The following DAB1 variants were observed in gnomAD, a reference collection of about 807,000 sequenced individuals.
The protein encoded by DAB1 is DAB adaptor protein 1.
Under a neutral mutation model 64.6 loss-of-function variants are expected in DAB1, and 15 were observed. The ratio of observed to expected loss-of-function variants is 0.23; its 90% CI spans 0.16 to 0.36. The LOEUF is 0.36. Ranked by LOEUF, DAB1 falls within the 10% of genes least tolerant of loss-of-function variation. The pLI is 1.00. For missense variants in DAB1, 596 were observed against 706.7 expected, an observed-to-expected ratio of 0.84 and a Z score of 1.78; for synonymous variants, 235 against 251.9, an observed-to-expected ratio of 0.93 and a Z score of 0.64.
chr1:57,860,508 T>A (rs1653961347), intron 1 of DAB1: 1 of 152,220 alleles, frequency 6.6e-6, no homozygotes, highest in Non-Finnish European at 1.5e-5. Context: ...CAAGGATGAA[T>A]CCTGATGGCT....
Position 58,002,175 on chromosome 1 carries a change from G to T in DAB1, n.388-118013C>A, listed in dbSNP as rs79189101. ...ACCAGGTTTGTGGTTATCTGTTAGA[G>T]GAGCCACAGGCAACTGATACACTGA... On this transcript the variant is annotated intron_variant and non_coding_transcript_variant, in intron 5 of 20. Transcript: ENST00000485760. Among the ~76,000 whole-genome samples the T allele has an allele frequency of 3.5e-3, 530 of 152,262 alleles. 2 individuals are homozygous for T. The highest frequency in any genetic ancestry group is 0.012 in the African/African-American group (499 of 41,552).
At chr1:58,289,949 C>G (rs1315805041) in intron 4 of DAB1, among the ~76,000 whole-genome samples, 1 of 152,148 alleles carries the variant, frequency 6.6e-6, no homozygotes, top group Non-Finnish European at 1.5e-5. Flanking sequence ...CAAAAGCTTT[C>G]CAACAAGCTG....
chr1:57,478,965 G>A (rs1454850438), intron 7 of DAB1, among the ~76,000 whole-genome samples: 2 of 152,080 alleles, frequency 1.3e-5, no homozygotes, highest in Non-Finnish European at 2.9e-5. Flanking sequence ...TGAATGGCTA[G>A]TAGATTTCTC....
chr1:57,979,233 A>G (rs1257044522), intron 5 of DAB1, among the ~76,000 whole-genome samples: 2 of 152,262 alleles, frequency 1.3e-5, no homozygotes, highest in East Asian at 1.9e-4. Flanking sequence ...CTATGCAGCC[A>G]TAAAGAAAGG....
At chr1:57,478,900 C>T (rs531449237) in intron 7 of DAB1, among the ~76,000 whole-genome samples, 28 of 151,930 alleles carry the variant, frequency 1.8e-4, no homozygotes, top group Admixed American at 3.3e-4. Flanking sequence ...GCGCCCGGCC[C>T]GGTTCCCATT....
intron 7 of DAB1, among the ~76,000 whole-genome samples, chr1:57,504,700 T>C (rs534768678): frequency 1.3e-5 from 2 of 152,248 alleles, no homozygotes; most frequent in Non-Finnish European, 2.9e-5. Flanking sequence ...TTGTACCATA[T>C]GGAAAGGGGG....
intron 2 of DAB1, among the ~76,000 whole-genome samples, chr1:57,271,158 G>A (rs186624915): frequency 2.0e-5 from 3 of 152,316 alleles, no homozygotes; most frequent in African/African-American, 7.2e-5. Context: ...TGCCAGCTCA[G>A]CTCATTAAGT....
At chr1:57,446,301 T>C (rs985724519) in intron 7 of DAB1, among the ~76,000 whole-genome samples, 3 of 152,130 alleles carry the variant, frequency 2.0e-5, no homozygotes, top group African/African-American at 4.8e-5. Context: ...AGTTGTTACA[T>C]ATGACTAAAT....
intron 4 of DAB1, among the ~76,000 whole-genome samples, chr1:57,115,455 G>A (rs1186748192): frequency 6.6e-6 from 1 of 152,194 alleles, no homozygotes; most frequent in Non-Finnish European, 1.5e-5. Flanking sequence ...AGCTTTGTGT[G>A]ATGATGTAAA....
chr1:58,105,217 C>A (rs1215658046), intron 5 of DAB1, among the ~76,000 whole-genome samples: 3 of 152,166 alleles, frequency 2.0e-5, no homozygotes, highest in Non-Finnish European at 4.4e-5. Context: ...TGGTGGTTAG[C>A]AACAGTCATT....
intron 1 of DAB1, among the ~76,000 whole-genome samples, chr1:57,413,129 G>C (rs1259667154): frequency 6.6e-6 from 1 of 152,142 alleles, no homozygotes; most frequent in Non-Finnish European, 1.5e-5. Flanking sequence ...CAGAACATCT[G>C]TTTACACCAT....
At chr1:57,025,886 G>A (rs776904769) in intron 10 of DAB1, 95 bp downstream of exon 10, 5 of 951,546 alleles carry the variant, frequency 5.3e-6, no homozygotes, top group Non-Finnish European at 7.8e-6. Context: ...TCCACCAGCA[G>A]CCCTCTTTCA....
intron 1 of DAB1, among the ~76,000 whole-genome samples, chr1:57,847,463 CA>C (rs758962189): frequency 1.1e-4 from 17 of 152,162 alleles, no homozygotes; most frequent in Middle Eastern, 3.4e-3. Flanking sequence ...TAAAGTCTTT[CA>C]GATTGGGTTA....
At chr1:58,352,974 CT>C (rs1201590938) in intron 3 of DAB1, among the ~76,000 whole-genome samples, 1 of 152,034 alleles carries the variant, frequency 6.6e-6, no homozygotes, top group East Asian at 1.9e-4. Context: ...GAGAAGTAAA[CT>C]TTTGTTGTTT....
chr1:57,405,516 T>G (rs1683562378), intron 1 of DAB1, among the ~76,000 whole-genome samples: 1 of 152,212 alleles, frequency 6.6e-6, no homozygotes, highest in Admixed American at 6.5e-5. Flanking sequence ...CTTAGGCCAG[T>G]TATCTTTAGT....
At chr1:57,324,705 C>A (rs976037606) in intron 1 of DAB1, among the ~76,000 whole-genome samples, 1 of 152,116 alleles carries the variant, frequency 6.6e-6, no homozygotes, top group East Asian at 1.9e-4. Flanking sequence ...CAGCCCCCAC[C>A]CCACATCCGC....
chr1:58,101,974 C>T (rs1570354136), intron 5 of DAB1, among the ~76,000 whole-genome samples: 1 of 152,226 alleles, frequency 6.6e-6, no homozygotes, highest in Non-Finnish European at 1.5e-5. Context: ...CACACACCTC[C>T]CCATCATGCT....
At chr1:57,739,878 T>C (rs1647895972) in intron 6 of DAB1, among the ~76,000 whole-genome samples, 1 of 151,874 alleles carries the variant, frequency 6.6e-6, no homozygotes, top group African/African-American at 2.4e-5. Context: ...GCATGCATTA[T>C]AACAAATATA....
At chr1:57,063,068 A>G (rs1570620986) in intron 8 of DAB1, 125 bp from the exon 9 acceptor site, 5 of 737,672 alleles carry the variant, frequency 6.8e-6, no homozygotes, top group Non-Finnish European at 9.4e-6. Flanking sequence ...GGACAAGCCC[A>G]TGGGAACCTG....
Sources: allele counts gnomAD v4.1 joint callset (sites outside exome capture counted in the v4.1 genomes callset), GRCh38; gene constraint gnomAD v4.1.1; transcripts MANE v1.5; gene names NCBI Gene and HGNC (gene_info 2026-07-23, HGNC 2026-07-21).